The following CACNA1B variants were observed in gnomAD, a reference collection of about 807,000 sequenced individuals.
CACNA1B encodes voltage-dependent N-type calcium channel subunit alpha-1B.
CACNA1B carries 70 observed loss-of-function variants against 247.2 expected under a neutral mutation model. The ratio of observed to expected loss-of-function variants is 0.28; its 90% confidence interval spans 0.23 to 0.35. The LOEUF is 0.35. Among genes scored for constraint, CACNA1B ranks in the 10% least tolerant of loss-of-function variants. The pLI is 1.00. For missense variants in CACNA1B, 2,367 were observed against 3,197.4 expected, an observed-to-expected ratio of 0.74 and a Z score of 6.26; for synonymous variants, 1,231 against 1,294.4, an observed-to-expected ratio of 0.95 and a Z score of 1.05.
In CACNA1B at chr9:137,952,681, CTGGGGGGATGGGAGGTGTGGTCTGTAAT is replaced by C; in HGVS notation, c.1070+305_1070+332del. On this transcript the variant is annotated intron_variant, in intron 7 of 46. Transcript: ENST00000371372. This position sits in a 1 kb window ranked among gnomAD's most constrained non-coding sequence, Gnocchi z 4.8. ...GTGTGGTCTGTAATGGGAGGTTGGT[CTGGGGGGATGGGAGGTGTGGTCTGTAAT>C]GGGAGGTTGGTCTGGGGGGATGGGA... is the stretch of plus-strand genomic sequence containing the variant. 8.0e-6 allele frequency among the ~76,000 whole-genome samples: 1 copy of C among 124,612 alleles called. No homozygotes were observed. The highest frequency in any genetic ancestry group is 2.9e-4 in the East Asian group (1 of 3,492). 81.8% of individuals were successfully genotyped at this position (124,612 alleles called of 152,430 possible).
intron 36 of CACNA1B, among the ~76,000 whole-genome samples, chr9:138,088,959 CAAAAAAAAAAAA>C (rs56112600): frequency 3.3e-4 from 20 of 61,424 alleles, no homozygotes; most frequent in Middle Eastern, 0.011. Flanking sequence ...AACTCCGTCT[CAAAAAAAAAAAA>C]AAAAAAAAAA....
intron 3 of CACNA1B, among the ~76,000 whole-genome samples, chr9:137,895,766 C>T (rs575480350): frequency 6.6e-6 from 1 of 152,272 alleles, no homozygotes; most frequent in Admixed American, 6.5e-5. Context: ...TTGACAAACA[C>T]GTCATCTGCA....
intron 32 of CACNA1B, among the ~76,000 whole-genome samples, chr9:138,069,967 C>T (rs376972529): frequency 6.6e-6 from 1 of 152,158 alleles, no homozygotes; most frequent in East Asian, 1.9e-4. Flanking sequence ...CTCCTGGCAG[C>T]GATTTGATTC....
rs1956905401 is a variant in CACNA1B, at chr9:137,880,652, G to A, written c.390+1493G>A. Among the ~76,000 whole-genome samples the A allele has an allele frequency of 6.6e-6, 1 of 152,190 alleles. No homozygotes were observed. The highest frequency in any genetic ancestry group is 1.5e-5 in the Non-Finnish European group (1 of 68,018). On this transcript the variant is annotated intron_variant, in intron 2 of 46. Coordinates refer to ENST00000371372, the MANE Select transcript of CACNA1B (RefSeq NM_000718.4). This position sits in a 1 kb window ranked among gnomAD's most constrained non-coding sequence, Gnocchi z 4.8. ...GGGAGGACACTTCTAGGAGTGGCGA[G>A]CTAACCTGTTGGGAAAACTGCAGAA...
chr9:138,099,743 C>A lies in CACNA1B; in HGVS notation c.5223-2968C>A, dbSNP rs572890065. On this transcript the variant is annotated intron_variant, in intron 37 of 46. Coordinates refer to ENST00000371372, the MANE Select transcript of CACNA1B (RefSeq NM_000718.4). The stretch of plus-strand genomic sequence containing the variant: ...GTGGTGTACACGTGCCTGTGGTGCG[C>A]ATGTGCCTGTGTCGGTGGATTCTGA... Among the ~76,000 whole-genome samples, 3 of 152,184 alleles carry A rather than the reference C, an allele frequency of 2.0e-5. No homozygotes were observed. The East Asian group carries it at 5.8e-4, about 29-fold the overall frequency.
chr9:138,106,245 A>G (rs1961420533), intron 39 of CACNA1B, among the ~76,000 whole-genome samples: 1 of 152,116 alleles, frequency 6.6e-6, no homozygotes, highest in Admixed American at 6.5e-5. Flanking sequence ...GGAGAGAAGG[A>G]GCCTGTAGTG....
intron 35 of CACNA1B, among the ~76,000 whole-genome samples, chr9:138,076,410 A>G (rs1003817600): frequency 1.3e-5 from 2 of 152,236 alleles, no homozygotes; most frequent in Admixed American, 1.3e-4. Context: ...AACCCAACTG[A>G]CCAGAACTGC....
Position 138,100,278 on chromosome 9 carries a change from A to C in CACNA1B, c.5223-2433A>C, listed in dbSNP as rs1196939932. On this transcript the variant is annotated intron_variant, in intron 37 of 46. Coordinates refer to ENST00000371372, the MANE Select transcript of CACNA1B (RefSeq NM_000718.4). This position sits in a 1 kb window ranked among gnomAD's most constrained non-coding sequence, Gnocchi z 4.6. ...CAAGGAAGGCTGAGACCGTTTGAGA[A>C]AGGCATTGAAATTGGTTGAACAAGT... Among the ~76,000 whole-genome samples the C allele has an allele frequency of 6.6e-6, 1 of 152,178 alleles. No individual in the cohort carries two copies. The highest frequency in any genetic ancestry group is 6.5e-5 in the Admixed American group (1 of 15,280).
At position 138,078,278 on chromosome 9, in the gene CACNA1B, C is replaced by T; in HGVS notation, c.5094+20C>T. Reference sequence around the variant, plus strand: ...TTTCTGGTGAGTCCTGGGCACTGTGCCCCTCCCAGTGCCACGTCTTGTCTC... The same window carrying T: ...TTTCTGGTGAGTCCTGGGCACTGTGTCCCTCCCAGTGCCACGTCTTGTCTC... On this transcript the variant is annotated intron_variant, in intron 36 of 46. Coordinates refer to ENST00000371372, the MANE Select transcript of CACNA1B (RefSeq NM_000718.4). 1 of 1,611,390 alleles carries T rather than the reference C, an allele frequency of 6.2e-7. No homozygotes were observed. Among genetic ancestry groups the T allele is most frequent in the Non-Finnish European group, 8.5e-7 (1 of 1,177,708 alleles).
At chr9:137,900,078 C>T (rs75130533) in intron 3 of CACNA1B, among the ~76,000 whole-genome samples, 1,601 of 152,272 alleles carry the variant, frequency 0.011, 12 homozygotes, top group South Asian at 0.03. Flanking sequence ...CTGGGGGGTC[C>T]TGTGGGGTAT....
At chr9:137,928,132 T>G (rs1439835184) in intron 6 of CACNA1B, among the ~76,000 whole-genome samples, 1 of 152,190 alleles carries the variant, frequency 6.6e-6, no homozygotes, top group Non-Finnish European at 1.5e-5. Flanking sequence ...GGAGTCTTGC[T>G]GTGTCACCAG....
At chr9:138,022,809 G>GC in intron 18 of CACNA1B, among the ~76,000 whole-genome samples, 2 of 140,782 alleles carry the variant, frequency 1.4e-5, no homozygotes, top group South Asian at 2.3e-4. Flanking sequence ...ACACCGTGGG[G>GC]GGGGGGGGCG....
At chr9:138,070,764 TTGTC>T (rs1161726863) in intron 32 of CACNA1B, among the ~76,000 whole-genome samples, 11 of 152,198 alleles carry the variant, frequency 7.2e-5, no homozygotes, top group African/African-American at 2.4e-4. Flanking sequence ...CTTCCCCACA[TTGTC>T]TGTCCCCTGT....
Position 137,888,288 on chromosome 9 carries a change from G to A in CACNA1B, c.530+5405G>A, listed in dbSNP as rs562420699. 2.0e-5 allele frequency among the ~76,000 whole-genome samples: 3 copies of A among 151,876 alleles called. No homozygotes were observed. The highest frequency in any genetic ancestry group is 2.1e-4 in the South Asian group (1 of 4,812). ...TCGGCGCAGGTGCCTTTCCCCTTCC[G>A]TGCCCCAGCCAGTCTCACGTGCATC... is the stretch of plus-strand genomic sequence containing the variant. On this transcript the variant is annotated intron_variant, in intron 3 of 46. Coordinates refer to ENST00000371372, the MANE Select transcript of CACNA1B (RefSeq NM_000718.4). The surrounding 1 kb of genome is among the most constrained non-coding windows in gnomAD (Gnocchi z 4.7).
In CACNA1B at chr9:138,011,088, T is replaced by C. The variant is rs1176227450; in HGVS notation, c.2160+1011T>C. 5.3e-5 allele frequency among the ~76,000 whole-genome samples: 8 copies of C among 152,204 alleles called. No homozygotes were observed. The highest frequency in any genetic ancestry group is 1.9e-4 in the African/African-American group (8 of 41,462). The stretch of plus-strand genomic sequence containing the variant: ...TCCAGACCTGGGCCATGGCCATGCC[T>C]ATGCCTAGGGGCCCGGATTCCTCCC... On this transcript the variant is annotated intron_variant, in intron 17 of 46. Transcript: ENST00000371372. This position sits in a 1 kb window ranked among gnomAD's most constrained non-coding sequence, Gnocchi z 4.2.
chr9:138,055,959 G>A (rs897842493), intron 26 of CACNA1B, among the ~76,000 whole-genome samples: 3 of 152,034 alleles, frequency 2.0e-5, no homozygotes, highest in Non-Finnish European at 4.4e-5. Context: ...CTGGAAGGCG[G>A]AGGTTGCAGT....
Position 138,043,721 on chromosome 9 carries a change from C to T in CACNA1B, c.3287-53C>T, listed in dbSNP as rs1031207299. The T allele has an allele frequency of 1.2e-5, 19 of 1,606,192 alleles. 1 individual carries two copies. The highest frequency in any genetic ancestry group is 1.7e-4 in the Middle Eastern group (1 of 5,924). On this transcript the variant is annotated intron_variant, in intron 20 of 46. Transcript: ENST00000371372. ...TGGGAGCTGGGAGGGAGCCACGCAA[C>T]GTGGGCTTCATGTGCACTACACCCC...
intron 6 of CACNA1B, among the ~76,000 whole-genome samples, chr9:137,939,303 A>G (rs1012981171): frequency 6.6e-6 from 1 of 152,194 alleles, no homozygotes; most frequent in Admixed American, 6.5e-5. Flanking sequence ...AAGATAAACC[A>G]TATAAATAGG....
intron 36 of CACNA1B, among the ~76,000 whole-genome samples, chr9:138,091,508 T>G (rs1013360827): frequency 6.6e-6 from 1 of 152,210 alleles, no homozygotes; most frequent in Non-Finnish European, 1.5e-5. Flanking sequence ...AACAGTTTGT[T>G]GAATATTTTC....
Sources: gnomAD v4.1 joint callset for allele counts (sites outside exome capture counted in the v4.1 genomes callset) on GRCh38, gnomAD v4.1.1 for gene constraint, Gnocchi (gnomAD v3.1) non-coding constraint, MANE v1.5 for transcripts, NCBI Gene and HGNC (gene_info 2026-07-23, HGNC 2026-07-21) for gene names.